Variants in ANKRD13A observed in about 807,000 individuals in gnomAD.
ANKRD13A encodes ankyrin repeat domain-containing protein 13A.
A neutral mutation model predicts 81.3 loss-of-function variants in ANKRD13A; 48 were observed. The observed-to-expected ratio is 0.59, with a 90% CI of 0.47 to 0.75. The LOEUF (loss-of-function observed/expected upper bound fraction) is 0.75, where lower values mean the gene tolerates loss of function less well. ANKRD13A is among the 30% of genes least tolerant of loss of function. ANKRD13A has a pLI of 0.00. For missense variants in ANKRD13A, 612 were observed against 734.0 expected (o/e 0.83, Z 1.92); for synonymous variants, 230 against 270.1 (o/e 0.85, Z 1.45).
At chr12:110,016,749 CTTTATTTTTATTTTTTAT>C (rs920354697) in intron 4 of ANKRD13A, among the ~76,000 whole-genome samples, 16 of 151,922 alleles carry the variant, frequency 1.1e-4, no homozygotes, top group East Asian at 5.8e-4. Flanking sequence ...TAAAATGTCA[CTTTATTTTTATTTTTTAT>C]TTTATTTTTA....
intron 7 of ANKRD13A, among the ~76,000 whole-genome samples, chr12:110,025,043 G>A (rs1891246573): frequency 6.6e-6 from 1 of 152,210 alleles, no homozygotes; most frequent in Non-Finnish European, 1.5e-5. Context: ...GGCTGTCTGA[G>A]TCATACTAGT....
chr12:110,015,997 G>A (rs1487241255), intron 3 of ANKRD13A, among the ~76,000 whole-genome samples: 2 of 150,052 alleles, frequency 1.3e-5, no homozygotes, highest in African/African-American at 2.5e-5. Context: ...TGTTGCCCAG[G>A]CTGGAGTGCA....
chr12:110,017,543 A>C (rs1396423824), intron 4 of ANKRD13A, among the ~76,000 whole-genome samples: 1 of 152,254 alleles, frequency 6.6e-6, no homozygotes, highest in Non-Finnish European at 1.5e-5. Context: ...TTTAAATGAC[A>C]TAAAAGTACG....
intron 13 of ANKRD13A, among the ~76,000 whole-genome samples, chr12:110,035,445 A>T (rs1009336149): frequency 1.8e-4 from 27 of 146,194 alleles, no homozygotes; most frequent in African/African-American, 5.0e-4. Flanking sequence ...TATCTACCAA[A>T]TTTTTTTTTT....
chr12:110,035,521 C>G (rs977292529), intron 13 of ANKRD13A, among the ~76,000 whole-genome samples: 5 of 151,948 alleles, frequency 3.3e-5, no homozygotes, highest in Non-Finnish European at 7.4e-5. Flanking sequence ...ACAATATTGG[C>G]TCACTGCAGC....
rs757655686 is a variant in ANKRD13A at position 109,999,782 on chromosome 12, C to G, written c.94C>G (p.Gln32Glu). 17 of 1,532,550 alleles carry G rather than the reference C, an allele frequency of 1.1e-5. No homozygotes were observed. The highest frequency in any genetic ancestry group is 1.4e-5 in the Non-Finnish European group (16 of 1,137,970). The allele number at this position is 1,532,550 out of a possible 1,614,324, so 94.9% of individuals were successfully genotyped here. A position where few individuals can be genotyped will look rare whatever the true frequency, so the allele number is the denominator to read the frequency against. Residue 32 changes from glutamine to glutamate, a missense_variant and splice_region_variant, in exon 1 of 15, where the codon CAG (glutamine) becomes GAG (glutamate). Gln to Glu is a conservative substitution (Grantham distance 29). Transcript: ENST00000261739. The surrounding 1 kb of genome is among the most constrained non-coding windows in gnomAD (Gnocchi z 4.3). ...GCAGCTCGAGAAGGAGCTGCAGGGC[C>G]AGGTGAGGGGCGGGGCGGGGGTCCG... ...YRQLEKELQG[Q>E]NVEAVDPRGR...
intron 4 of ANKRD13A, among the ~76,000 whole-genome samples, chr12:110,016,639 A>G (rs549796848): frequency 1.3e-5 from 2 of 152,332 alleles, no homozygotes; most frequent in African/African-American, 4.8e-5. Context: ...CTTCCCCGCC[A>G]TGCATAGGAC....
In ANKRD13A at chr12:110,019,258, G is replaced by GA; in HGVS notation, c.666dup (p.Val223SerfsTer2). 6.2e-7 allele frequency: 1 copy of GA among 1,614,136 alleles called. No homozygotes were observed. The highest frequency in any genetic ancestry group is 1.1e-5 in the South Asian group (1 of 91,082). On this transcript the variant is annotated frameshift_variant, in exon 6 of 15. Coordinates refer to ENST00000261739, the MANE Select transcript of ANKRD13A (RefSeq NM_033121.2). LOFTEE classifies it high-confidence loss of function. ...GGACTTGATGAAGCCAAAAAGCAGGGAAGTTGAGCGGCGGCTCACAAGCCC... is the reference window on the plus strand; with the variant it reads ...GGACTTGATGAAGCCAAAAAGCAGGGAAAGTTGAGCGGCGGCTCACAAGCCC...
intron 2 of ANKRD13A, 73 bp downstream of exon 2, chr12:110,012,210 T>G (rs1890566074): frequency 1.3e-6 from 2 of 1,490,696 alleles, no homozygotes; most frequent in African/African-American, 1.4e-5. Context: ...CAAAAAAATA[T>G]GAAAATTAGC....
intron 6 of ANKRD13A, among the ~76,000 whole-genome samples, chr12:110,019,786 T>G (rs1890983807): frequency 6.6e-6 from 1 of 152,190 alleles, no homozygotes; most frequent in African/African-American, 2.4e-5. Flanking sequence ...TTTGTTTGTT[T>G]GTTTGTTTGT....
At chr12:110,031,179 T>C (rs1891668111) in intron 12 of ANKRD13A, among the ~76,000 whole-genome samples, 1 of 152,084 alleles carries the variant, frequency 6.6e-6, no homozygotes, top group Admixed American at 6.6e-5. Context: ...AGGGAGTAGA[T>C]GTCTGTGTTG....
rs1257712713 is a variant in ANKRD13A at position 109,999,599 on chromosome 12, C to A, written c.-90C>A. ...ACACGCCCTACGCTCGCTTGCTCGC[C>A]GGCCTCAGGGCAGGCAGGCGGGCGC... is the stretch of plus-strand genomic sequence containing the variant. On this transcript the variant is annotated 5_prime_UTR_variant, in exon 1 of 15. Transcript: ENST00000261739. This position sits in a 1 kb window ranked among gnomAD's most constrained non-coding sequence, Gnocchi z 4.3. 1 of 1,094,900 alleles carries A rather than the reference C, an allele frequency of 9.1e-7. No individual in the cohort carries two copies. The highest frequency in any genetic ancestry group is 1.8e-5 in the South Asian group (1 of 56,640). 67.8% of individuals were successfully genotyped at this position (1,094,900 alleles called of 1,614,324 possible).
intron 12 of ANKRD13A, chr12:110,032,676 C>T (rs972607566): frequency 6.6e-6 from 1 of 152,208 alleles, no homozygotes; most frequent in African/African-American, 2.4e-5. Flanking sequence ...TTCATAACAG[C>T]AGAAACCTGG....
chr12:110,024,518 C>T (rs1247586904), intron 7 of ANKRD13A, among the ~76,000 whole-genome samples: 2 of 152,122 alleles, frequency 1.3e-5, no homozygotes, highest in South Asian at 2.1e-4. Flanking sequence ...AATCAGCAGG[C>T]GCACAGCCCA....
At chr12:110,000,336 C>T (rs1889887765) in intron 1 of ANKRD13A, among the ~76,000 whole-genome samples, 1 of 152,174 alleles carries the variant, frequency 6.6e-6, no homozygotes, top group African/African-American at 2.4e-5. Context: ...CAGAACCCAA[C>T]ACTTGACTCT....
rs34060026 is a variant in ANKRD13A, at chr12:110,033,903, C to T, written c.1455C>T (p.Tyr485=). ...ATGTGCATTTGCAAGATGAAGATTA[C>T]GAGATAATGCAGTTTGCCATCCAGC... ...GRNVHLQDED[Y]EIMQFAIQQS... The change falls in exon 13 of 15, where the codon TAC becomes TAT. Residue 485 remains tyrosine, a synonymous_variant. Transcript: ENST00000261739. 3.8e-5 allele frequency: 61 copies of T among 1,612,844 alleles called. No individual in the cohort carries two copies. The highest frequency in any genetic ancestry group is 2.1e-4 in the African/African-American group (16 of 74,932).
At position 110,038,982 on chromosome 12, in the gene ANKRD13A, C is replaced by T. The variant is rs75803899; in HGVS notation, c.*1428C>T. Reference sequence around the variant, plus strand: ...GAAACATAACTACTGTTCCAGGTAACGTCTGTATCATACAGTTAGTGTTGC... The same window carrying T: ...GAAACATAACTACTGTTCCAGGTAATGTCTGTATCATACAGTTAGTGTTGC... On this transcript the variant is annotated 3_prime_UTR_variant, in exon 15 of 15. Coordinates refer to ENST00000261739, the MANE Select transcript of ANKRD13A (RefSeq NM_033121.2). 1.3e-5 allele frequency: 2 copies of T among 152,036 alleles called. No homozygotes were observed. The allele number at this position is 152,036 out of a possible 1,614,324, so 9.4% of individuals were successfully genotyped here.
intron 1 of ANKRD13A, among the ~76,000 whole-genome samples, chr12:110,007,910 T>C (rs567879066): frequency 1.3e-5 from 2 of 152,348 alleles, no homozygotes; most frequent in South Asian, 4.1e-4. Flanking sequence ...ATAGTTCTAA[T>C]AGTTTTTTGG....
chr12:110,027,683 T>G, intron 8 of ANKRD13A, 22 bp from the exon 9 acceptor site: 1 of 1,613,258 alleles, frequency 6.2e-7, no homozygotes, highest in Non-Finnish European at 8.5e-7. Flanking sequence ...TATTAGACTT[T>G]AAACTCCCTA....
Sources: allele counts gnomAD v4.1 joint callset (sites outside exome capture counted in the v4.1 genomes callset), GRCh38; gene constraint gnomAD v4.1.1; non-coding constraint Gnocchi (gnomAD v3.1); transcripts MANE v1.5; gene names NCBI Gene and HGNC (gene_info 2026-07-23, HGNC 2026-07-21).